The following GUCY1A2 variants were observed in gnomAD, a reference collection of about 807,000 sequenced individuals.
GUCY1A2 encodes guanylate cyclase soluble subunit alpha-2.
GUCY1A2 carries 27 observed loss-of-function variants against 63.5 expected under a neutral mutation model. The ratio of observed to expected loss-of-function variants is 0.43; its 90% CI spans 0.31 to 0.59. The LOEUF is 0.59. Ranked by LOEUF, GUCY1A2 falls within the 20% of genes least tolerant of loss-of-function variation. The probability of loss-of-function intolerance (pLI) is 0.11; values close to 1 mark genes in which losing one functional copy is unlikely to be tolerated. For synonymous variants in GUCY1A2, 364 were observed against 343.5 expected, an observed-to-expected ratio of 1.06 and a Z score of -0.66; for missense variants, 768 against 913.3, an observed-to-expected ratio of 0.84 and a Z score of 2.05.
At chr11:106,903,293 C>T (rs965611575) in intron 4 of GUCY1A2, among the ~76,000 whole-genome samples, 3 of 152,124 alleles carry the variant, frequency 2.0e-5, no homozygotes, top group African/African-American at 7.2e-5. Flanking sequence ...TGTCTGGCCA[C>T]ATCCAATTTT....
chr11:106,779,875 G>A (rs368814976), intron 5 of GUCY1A2, among the ~76,000 whole-genome samples: 26 of 152,236 alleles, frequency 1.7e-4, no homozygotes, highest in African/African-American at 4.8e-4. Context: ...ATTACAATCC[G>A]TACATGATTG....
chr11:106,798,736 A>G (rs11530701), intron 5 of GUCY1A2, among the ~76,000 whole-genome samples: 31,063 of 152,058 alleles, frequency 0.2, 3,243 homozygotes, highest in East Asian at 0.28. Flanking sequence ...AAAAACTCTC[A>G]ATAAATTAGG....
rs1370106139 is a variant in GUCY1A2, at chr11:106,849,106, C to T, written c.1207-38628G>A. ...ACAAGGGACTAATACACAGACTATACAAGGTGCCATTCTATAATTTTCTGG... is the reference window on the plus strand; with the variant it reads ...ACAAGGGACTAATACACAGACTATATAAGGTGCCATTCTATAATTTTCTGG... On this transcript the variant is annotated intron_variant, in intron 4 of 7. Coordinates refer to ENST00000526355, the MANE Select transcript of GUCY1A2 (RefSeq NM_000855.3). 5.3e-5 allele frequency among the ~76,000 whole-genome samples: 8 copies of T among 151,482 alleles called. No homozygotes were observed. In the East Asian group the frequency reaches 9.7e-4, roughly 18 times the overall value.
chr11:106,894,289 T>C (rs1476762581), intron 4 of GUCY1A2, among the ~76,000 whole-genome samples: 1 of 152,054 alleles, frequency 6.6e-6, no homozygotes, highest in Non-Finnish European at 1.5e-5. Flanking sequence ...CAACAGAGTG[T>C]CAAAACACAT....
chr11:106,837,446 A>T (rs1859132695), intron 4 of GUCY1A2, among the ~76,000 whole-genome samples: 1 of 152,018 alleles, frequency 6.6e-6, no homozygotes, highest in African/African-American at 2.4e-5. Flanking sequence ...AGAGTGCTGC[A>T]GTGAACATTT....
intron 3 of GUCY1A2, among the ~76,000 whole-genome samples, chr11:106,942,732 T>C (rs1860767288): frequency 6.6e-6 from 1 of 152,192 alleles, no homozygotes; most frequent in Admixed American, 6.5e-5. Flanking sequence ...AAGCTTATGT[T>C]CTGTGCCTAA....
At position 106,886,134 on chromosome 11, in the gene GUCY1A2, G is replaced by T. The variant is rs536054942; in HGVS notation, c.1206+53326C>A. On this transcript the variant is annotated intron_variant, in intron 4 of 7. Transcript: ENST00000526355. ...AGTGGGTACACTGCCATCCAGAAAG[G>T]ATAATATTTTATAGCCCCTCTTATA... Among the ~76,000 whole-genome samples the T allele has an allele frequency of 4.6e-5, 7 of 152,264 alleles. No individual in the cohort carries two copies. In the South Asian group the frequency reaches 1.5e-3, roughly 32 times the overall value.
At chr11:106,898,844 T>A (rs1422965434) in intron 4 of GUCY1A2, among the ~76,000 whole-genome samples, 1 of 152,188 alleles carries the variant, frequency 6.6e-6, no homozygotes, top group Non-Finnish European at 1.5e-5. Flanking sequence ...TAATTTAAAC[T>A]ATGAATTTTG....
At chr11:106,982,321 TCCTG>T (rs1861347310) in intron 2 of GUCY1A2, among the ~76,000 whole-genome samples, 1 of 152,160 alleles carries the variant, frequency 6.6e-6, no homozygotes, top group African/African-American at 2.4e-5. Flanking sequence ...CTAAAGTGAA[TCCTG>T]CCTGTCTGCT....
At chr11:107,006,604 G>A (rs1487585322) in intron 1 of GUCY1A2, among the ~76,000 whole-genome samples, 1 of 152,174 alleles carries the variant, frequency 6.6e-6, no homozygotes. Flanking sequence ...ACTCCCTGGT[G>A]GAATATGAGA....
Position 106,678,585 on chromosome 11 carries a change from T to C in GUCY1A2, c.*8964A>G. 1 of 211,266 alleles carries C rather than the reference T, an allele frequency of 4.7e-6. No individual in the cohort carries two copies. The highest frequency in any genetic ancestry group is 9.6e-6 in the Non-Finnish European group (1 of 104,176). The allele number at this position is 211,266 out of a possible 1,614,324, so 13.1% of individuals were successfully genotyped here. A position where few individuals can be genotyped will look rare whatever the true frequency, so the allele number is the denominator to read the frequency against. ...AATTGCTGTAGGAATTGAGGTTTCA[T>C]TGGGTATGGAAATGCATAGTTTCTT... is the stretch of plus-strand genomic sequence containing the variant. On this transcript the variant is annotated 3_prime_UTR_variant, in exon 8 of 8. Transcript: ENST00000526355.
chr11:106,858,089 T>C (rs1311939771), intron 4 of GUCY1A2, among the ~76,000 whole-genome samples: 4 of 152,180 alleles, frequency 2.6e-5, no homozygotes, highest in Admixed American at 1.3e-4. Context: ...TTCACATATA[T>C]TGTCTAAAGC....
At chr11:106,714,724 A>T (rs1279203689) in intron 6 of GUCY1A2, among the ~76,000 whole-genome samples, 1 of 151,114 alleles carries the variant, frequency 6.6e-6, no homozygotes, top group Non-Finnish European at 1.5e-5. Context: ...CAATGTCTGG[A>T]AGCATTTTTG....
chr11:106,789,418 C>T (rs530608720), intron 5 of GUCY1A2, among the ~76,000 whole-genome samples: 1 of 152,098 alleles, frequency 6.6e-6, no homozygotes, highest in Non-Finnish European at 1.5e-5. Flanking sequence ...TCTTAATTTC[C>T]TCAAAACAGC....
Position 106,880,316 on chromosome 11 carries a change from T to C in GUCY1A2, c.1206+59144A>G, listed in dbSNP as rs571271823. ...CATACAGGGAGATTAAGGCCTTTTG[T>C]TTGGGGTTAAATGATGGTTGCCACG... On this transcript the variant is annotated intron_variant, in intron 4 of 7. Coordinates refer to ENST00000526355, the MANE Select transcript of GUCY1A2 (RefSeq NM_000855.3). Among the ~76,000 whole-genome samples, 43 of 152,068 alleles carry C rather than the reference T, an allele frequency of 2.8e-4. No individual in the cohort carries two copies. The South Asian group carries it at 7.0e-3, about 25-fold the overall frequency.
At chr11:106,931,220 A>G (rs1860596969) in intron 4 of GUCY1A2, among the ~76,000 whole-genome samples, 1 of 152,224 alleles carries the variant, frequency 6.6e-6, no homozygotes, top group Non-Finnish European at 1.5e-5. Context: ...TACATATTTA[A>G]CTAAAGAAAT....
In GUCY1A2 at chr11:106,682,925, C is replaced by A; in HGVS notation, c.*4624G>T. Reference sequence around the variant, plus strand: ...ATTTTGCACACTATCTCAGTATAGCCTGACAAGATTGTTAATCTGTATGTA... The same window carrying A: ...ATTTTGCACACTATCTCAGTATAGCATGACAAGATTGTTAATCTGTATGTA... On this transcript the variant is annotated 3_prime_UTR_variant, in exon 8 of 8. Transcript: ENST00000526355. 4.6e-6 allele frequency: 1 copy of A among 216,000 alleles called. No individual in the cohort carries two copies. The highest frequency in any genetic ancestry group is 9.3e-6 in the Non-Finnish European group (1 of 106,954). 13.4% of individuals were successfully genotyped at this position (216,000 alleles called of 1,614,324 possible). A position where few individuals can be genotyped will look rare whatever the true frequency, so the allele number is the denominator to read the frequency against.
At chr11:106,907,775 T>C (rs1173592150) in intron 4 of GUCY1A2, among the ~76,000 whole-genome samples, 1 of 152,172 alleles carries the variant, frequency 6.6e-6, no homozygotes, top group Non-Finnish European at 1.5e-5. Flanking sequence ...ATGGTGTATA[T>C]GTGCCACATT....
chr11:106,772,735 AATACAAAC>A (rs1864279554), intron 6 of GUCY1A2, among the ~76,000 whole-genome samples: 1 of 152,186 alleles, frequency 6.6e-6, no homozygotes, highest in South Asian at 2.1e-4. Context: ...TGCTAAATTC[AATACAAAC>A]ATACTCTCCA....
Sources: allele counts gnomAD v4.1 joint callset (sites outside exome capture counted in the v4.1 genomes callset), GRCh38; gene constraint gnomAD v4.1.1; transcripts MANE v1.5; gene names NCBI Gene and HGNC (gene_info 2026-07-23, HGNC 2026-07-21).